Variants in LMO4 observed in about 807,000 individuals in gnomAD.
The protein encoded by LMO4 is LIM domain transcription factor LMO4.
Under a neutral mutation model 18.5 loss-of-function variants are expected in LMO4, and 3 were observed. The ratio of observed to expected loss-of-function variants is 0.16; its 90% CI spans 0.07 to 0.42. The LOEUF (loss-of-function observed/expected upper bound fraction) is 0.42, where lower values mean the gene tolerates loss of function less well. Ranked by LOEUF, LMO4 falls within the 10% of genes least tolerant of loss-of-function variation. The probability of loss-of-function intolerance (pLI) is 0.99; values close to 1 mark genes in which losing one functional copy is unlikely to be tolerated. For synonymous variants in LMO4, 100 were observed against 88.1 expected, an observed-to-expected ratio of 1.14 and a Z score of -0.76; for missense variants, 121 against 219.9, an observed-to-expected ratio of 0.55 and a Z score of 2.84.
intron 2 of LMO4, among the ~76,000 whole-genome samples, chr1:87,337,744 G>T (rs1650353066): frequency 6.6e-6 from 1 of 152,096 alleles, no homozygotes; most frequent in Non-Finnish European, 1.5e-5. Flanking sequence ...CCATTCTCTG[G>T]CTACCTTCCC....
rs72070910 is a variant in LMO4, at chr1:87,345,387, GAAAAA to G, written c.*597_*601del. ...CTAATGTTGCTACTCCCATGGCAAAGAAAAAAAAAAGAATGAAAAAAAGAAAAAAA... is the reference window on the plus strand; with the variant it reads ...CTAATGTTGCTACTCCCATGGCAAAGAAAAAGAATGAAAAAAAGAAAAAAA... On this transcript the variant is annotated 3_prime_UTR_variant, in exon 5 of 5. Coordinates refer to ENST00000370544, the MANE Select transcript of LMO4 (RefSeq NM_006769.4). 3 of 116,286 alleles carry G rather than the reference GAAAAA, an allele frequency of 2.6e-5. No homozygotes were observed. Among genetic ancestry groups the G allele is most frequent in the African/African-American group, 9.0e-5 (3 of 33,372 alleles). The allele number at this position is 116,286 out of a possible 1,614,324, so 7.2% of individuals were successfully genotyped here. A position where few individuals can be genotyped will look rare whatever the true frequency, so the allele number is the denominator to read the frequency against.
At chr1:87,339,737 C>G in intron 3 of LMO4, 105 bp downstream of exon 3, 1 of 760,550 alleles carries the variant, frequency 1.3e-6, no homozygotes, top group Non-Finnish European at 2.2e-6. Flanking sequence ...TCTCAAGCTG[C>G]AGACACTTGA....
intron 1 of LMO4, among the ~76,000 whole-genome samples, chr1:87,329,608 G>A (rs1329034558): frequency 6.7e-6 from 1 of 148,440 alleles, no homozygotes; most frequent in Non-Finnish European, 1.5e-5. Flanking sequence ...GGGGGTGGGG[G>A]TGGGGATAGT....
In LMO4 at chr1:87,332,363, C is replaced by T. The variant is rs372919954; in HGVS notation, c.236+112C>T. ...GTCTACGGGGAGTATGCAGCCTTCA[C>T]CTCAAAAATCTTCTAGTTGGCGGAA... On this transcript the variant is annotated intron_variant, in intron 2 of 4. Coordinates refer to ENST00000370544, the MANE Select transcript of LMO4 (RefSeq NM_006769.4). 7.7e-4 allele frequency: 585 copies of T among 761,186 alleles called. 5 individuals are homozygous for T. The highest frequency in any genetic ancestry group is 7.5e-3 in the South Asian group (406 of 54,402). The allele number at this position is 761,186 out of a possible 1,614,324, so 47.2% of individuals were successfully genotyped here. A position where few individuals can be genotyped will look rare whatever the true frequency, so the allele number is the denominator to read the frequency against.
chr1:87,330,639 G>GT lies in LMO4; in HGVS notation c.-3-1366dup, dbSNP rs199745610. On this transcript the variant is annotated intron_variant, in intron 1 of 4. Coordinates refer to ENST00000370544, the MANE Select transcript of LMO4 (RefSeq NM_006769.4). Reference sequence around the variant, plus strand: ...CGAGTCCTTGTTTCGTTCCTTCCTCGTTTTTTTTGCAGCAGCCAAGTTGGG... The same window carrying GT: ...CGAGTCCTTGTTTCGTTCCTTCCTCGTTTTTTTTTGCAGCAGCCAAGTTGGG... 1.8e-3 allele frequency among the ~76,000 whole-genome samples: 271 copies of GT among 151,786 alleles called. 1 individual carries two copies. The highest frequency in any genetic ancestry group is 3.0e-3 in the Non-Finnish European group (201 of 67,902).
chr1:87,330,432 A>G (rs572769698), intron 1 of LMO4, among the ~76,000 whole-genome samples: 8 of 152,354 alleles, frequency 5.3e-5, no homozygotes, highest in African/African-American at 1.9e-4. Context: ...ACATAAAGGT[A>G]TGATGCATTC....
chr1:87,339,067 G>A (rs1332114539), intron 2 of LMO4, among the ~76,000 whole-genome samples: 6 of 152,124 alleles, frequency 3.9e-5, no homozygotes, highest in South Asian at 4.1e-4. Context: ...GGAGGTTTAC[G>A]GGAGTTTCAA....
rs948436225 is a variant in LMO4, at chr1:87,347,779, C to A, written c.*2983C>A. The A allele has an allele frequency of 7.9e-5, 12 of 152,186 alleles. No individual in the cohort carries two copies. The highest frequency in any genetic ancestry group is 2.0e-4 in the Admixed American group (3 of 15,284). The allele number at this position is 152,186 out of a possible 1,614,324, so 9.4% of individuals were successfully genotyped here. ...AAAGGGTTTAATGTTTTTTACCTAT[C>A]TAACTGTCTAATTAGATTTACACAT... On this transcript the variant is annotated 3_prime_UTR_variant, in exon 5 of 5. Transcript: ENST00000370544.
At chr1:87,339,337 C>T (rs750446001) in intron 2 of LMO4, among the ~76,000 whole-genome samples, 199 bp from the exon 3 acceptor site, 7 of 151,958 alleles carry the variant, frequency 4.6e-5, no homozygotes, top group African/African-American at 7.3e-5. Flanking sequence ...GCATCCTCTG[C>T]GGTAGGCAGA....
chr1:87,335,048 T>C (rs916557985), intron 2 of LMO4, among the ~76,000 whole-genome samples: 4 of 97,034 alleles, frequency 4.1e-5, no homozygotes, highest in Non-Finnish European at 8.5e-5. Flanking sequence ...GGGGGGGGGG[T>C]TGTAGAGCGG....
At chr1:87,330,599 C>T (rs144650683) in intron 1 of LMO4, among the ~76,000 whole-genome samples, 216 of 152,246 alleles carry the variant, frequency 1.4e-3, no homozygotes, top group Admixed American at 2.7e-3. Context: ...TTAAAATCGG[C>T]CTATTTAAGG....
intron 2 of LMO4, 34 bp downstream of exon 2, chr1:87,332,285 G>A (rs753032703): frequency 3.3e-6 from 5 of 1,529,268 alleles, no homozygotes; most frequent in South Asian, 2.3e-5. Flanking sequence ...GAGATGGGGG[G>A]AAGAGCAATG....
chr1:87,344,305 CAG>C (rs1650570743), intron 4 of LMO4, among the ~76,000 whole-genome samples: 1 of 152,166 alleles, frequency 6.6e-6, no homozygotes, highest in Non-Finnish European at 1.5e-5. Flanking sequence ...ATTATCATAA[CAG>C]TGTCATTATC....
At chr1:87,341,327 C>T (rs1009138014) in intron 4 of LMO4, among the ~76,000 whole-genome samples, 2 of 152,106 alleles carry the variant, frequency 1.3e-5, no homozygotes, top group African/African-American at 4.8e-5. Flanking sequence ...ACTTTTTCAT[C>T]ATTAACCCAG....
intron 2 of LMO4, among the ~76,000 whole-genome samples, chr1:87,335,273 C>T (rs1246469117): frequency 6.6e-6 from 1 of 152,202 alleles, no homozygotes; most frequent in Non-Finnish European, 1.5e-5. Context: ...GCGGAAAGTG[C>T]AGCGAGAGGA....
At position 87,340,039 on chromosome 1, in the gene LMO4, C is replaced by T. The variant is rs1041884182; in HGVS notation, c.334-8C>T. ...CTTGTTTTCAGTGGGTTTGTTTTTC[C>T]CTTTCAGTGTTTTACATGCTCTACC... On this transcript the variant is annotated splice_region_variant and splice_polypyrimidine_tract_variant and intron_variant, in intron 3 of 4. Coordinates refer to ENST00000370544, the MANE Select transcript of LMO4 (RefSeq NM_006769.4). The T allele has an allele frequency of 7.5e-6, 12 of 1,606,210 alleles. No homozygotes were observed. In the East Asian group the frequency reaches 8.9e-5, roughly 12 times the overall value.
rs574476243 is a variant in LMO4, at chr1:87,334,958, C to T, written c.236+2707C>T. 9.3e-5 allele frequency among the ~76,000 whole-genome samples: 14 copies of T among 149,980 alleles called. No homozygotes were observed. The East Asian group carries it at 2.8e-3, about 30-fold the overall frequency. On this transcript the variant is annotated intron_variant, in intron 2 of 4. Coordinates refer to ENST00000370544, the MANE Select transcript of LMO4 (RefSeq NM_006769.4). The stretch of plus-strand genomic sequence containing the variant: ...TTAGATCTGCTCCGAATGACGTGTC[C>T]GCAATGAATGAGAGCTGCGTCGCAA...
At chr1:87,336,573 T>G (rs1399747578) in intron 2 of LMO4, among the ~76,000 whole-genome samples, 5 of 152,194 alleles carry the variant, frequency 3.3e-5, no homozygotes, top group East Asian at 1.9e-4. Flanking sequence ...CTACATGGTG[T>G]TGTTCAAACA....
At position 87,339,604 on chromosome 1, in the gene LMO4, G is replaced by A. The variant is rs1396663165; in HGVS notation, c.305G>A (p.Arg102Lys). The A allele has an allele frequency of 1.2e-6, 2 of 1,613,336 alleles. No homozygotes were observed. Among genetic ancestry groups the A allele is most frequent in the Admixed American group, 3.3e-5 (2 of 60,020 alleles). ...QSIPASELVM[R>K]AQGNVYHLKC... ...ATTCCTGCGAGTGAACTCGTCATGA[G>A]GGCGCAAGGCAATGTGTATCATCTT... Residue 102 changes from arginine to lysine, a missense_variant, in exon 3 of 5, where the codon AGG (arginine) becomes AAG (lysine). Around this residue, in one of 4 missense-constraint regions of LMO4, gnomAD observed 62 missense variants for 128.8 expected, o/e 0.48. Coordinates refer to ENST00000370544, the MANE Select transcript of LMO4 (RefSeq NM_006769.4).
Sources: allele counts gnomAD v4.1 joint callset (sites outside exome capture counted in the v4.1 genomes callset), GRCh38; gene constraint gnomAD v4.1.1; regional missense constraint gnomAD v4.1.1; transcripts MANE v1.5; gene names NCBI Gene and HGNC (gene_info 2026-07-23, HGNC 2026-07-21).